The following CHST11 variants were observed in gnomAD, a reference collection of about 807,000 sequenced individuals.
CHST11 encodes carbohydrate sulfotransferase 11, also known as C4S-1.
A neutral mutation model predicts 30.4 loss-of-function variants in CHST11; 9 were observed. The observed-to-expected ratio is 0.30, with a 90% CI of 0.18 to 0.52. The LOEUF (loss-of-function observed/expected upper bound fraction) is 0.52. Ranked by LOEUF, CHST11 falls within the 20% of genes least tolerant of loss-of-function variation. CHST11 has a pLI of 0.97. For missense variants in CHST11, 348 were observed against 460.6 expected, an observed-to-expected ratio of 0.76 and a Z score of 2.24; for synonymous variants, 152 against 187.8, an observed-to-expected ratio of 0.81 and a Z score of 1.56.
At chr12:104,708,517 G>T (rs1244111992) in intron 2 of CHST11, among the ~76,000 whole-genome samples, 3 of 152,154 alleles carry the variant, frequency 2.0e-5, no homozygotes, top group Non-Finnish European at 2.9e-5. Flanking sequence ...AGGAAACAAG[G>T]CTCTGTATGA....
At chr12:104,563,027 T>TTTG (rs916858721) in intron 1 of CHST11, among the ~76,000 whole-genome samples, 2 of 152,036 alleles carry the variant, frequency 1.3e-5, no homozygotes, top group Non-Finnish European at 2.9e-5. Flanking sequence ...AGTGGTTTTT[T>TTTG]TTGTTGTTGT....
intron 2 of CHST11, among the ~76,000 whole-genome samples, chr12:104,646,615 C>G (rs1344885119): frequency 6.8e-6 from 1 of 146,976 alleles, no homozygotes; most frequent in Non-Finnish European, 1.5e-5. Context: ...GCCTGTAGTC[C>G]CAGCTAGTTG....
At chr12:104,709,903 T>C (rs312147) in intron 2 of CHST11, among the ~76,000 whole-genome samples, 55,273 of 152,144 alleles carry the variant, frequency 0.36, 11,753 homozygotes, top group Non-Finnish European at 0.5. Flanking sequence ...AAAGCTGTTA[T>C]TCAAAACTTT....
chr12:104,542,727 G>C (rs1243275204), intron 1 of CHST11, among the ~76,000 whole-genome samples: 1 of 152,174 alleles, frequency 6.6e-6, no homozygotes, highest in East Asian at 1.9e-4. Context: ...ATTTTTCACT[G>C]TATAAACCTT....
chr12:104,590,685 A>G (rs971313637), intron 1 of CHST11, among the ~76,000 whole-genome samples: 3 of 151,536 alleles, frequency 2.0e-5, no homozygotes, highest in African/African-American at 7.3e-5. Flanking sequence ...ACTTTGGGAG[A>G]CTGAGGCGGG....
rs147108687 is a variant in CHST11, at chr12:104,663,232, G to A, written c.204+61241G>A. Among the ~76,000 whole-genome samples, 20 of 152,316 alleles carry A rather than the reference G, an allele frequency of 1.3e-4. No individual in the cohort carries two copies. The South Asian group carries it at 1.5e-3, about 11-fold the overall frequency. ...CTCCGTGCGACTTCCATCTCGTGACGTTCTACTGAATCTGTGATTTCGCTA... is the reference window on the plus strand; with the variant it reads ...CTCCGTGCGACTTCCATCTCGTGACATTCTACTGAATCTGTGATTTCGCTA... On this transcript the variant is annotated intron_variant, in intron 2 of 2. Transcript: ENST00000303694.
intron 1 of CHST11, among the ~76,000 whole-genome samples, chr12:104,527,066 G>T (rs114166393): frequency 0.04 from 6,035 of 152,260 alleles, 423 homozygotes; most frequent in African/African-American, 0.14. Flanking sequence ...GTAACGGGTT[G>T]AATTGTGTCT....
chr12:104,757,798 G>T lies in CHST11; in HGVS notation c.1054G>T (p.Glu352Ter). 3 of 1,609,140 alleles carry T rather than the reference G, an allele frequency of 1.9e-6. No individual in the cohort carries two copies. Among genetic ancestry groups the T allele is most frequent in the South Asian group, 1.1e-5 (1 of 90,908 alleles). The change falls in exon 3 of 3, where the codon GAA becomes TAA. Residue 352 changes from glutamate (E) to a stop codon, truncating the protein, a stop_gained. Transcript: ENST00000303694. LOFTEE classifies it high-confidence loss of function. The surrounding 1 kb of genome is among the most constrained non-coding windows in gnomAD (Gnocchi z 6.5). ...NYSVPSYLKL[E>*] ...CTCAGTGCCAAGCTACCTGAAATTG[G>T]AATAAAGGGGGTGGGGAGAGGGAGA...
intron 2 of CHST11, among the ~76,000 whole-genome samples, chr12:104,697,383 A>C (rs1261260196): frequency 6.6e-6 from 1 of 152,178 alleles, no homozygotes; most frequent in Non-Finnish European, 1.5e-5. Context: ...GCATCCTTCC[A>C]ATCACTTGAG....
intron 1 of CHST11, among the ~76,000 whole-genome samples, chr12:104,522,254 TAA>T (rs1399636701): frequency 1.3e-5 from 2 of 152,198 alleles, no homozygotes; most frequent in African/African-American, 4.8e-5. Flanking sequence ...CTTAGCTGCA[TAA>T]ACTTGGGAGT....
chr12:104,510,490 C>T (rs1422299708), intron 1 of CHST11, among the ~76,000 whole-genome samples: 1 of 152,218 alleles, frequency 6.6e-6, no homozygotes, highest in Non-Finnish European at 1.5e-5. Context: ...CAGGAAACAC[C>T]ATGCCCACCT....
chr12:104,624,346 A>G (rs954252728), intron 2 of CHST11, among the ~76,000 whole-genome samples: 1 of 152,220 alleles, frequency 6.6e-6, no homozygotes, highest in Admixed American at 6.5e-5. Context: ...CACCCTGGGT[A>G]CTTAAGACTG....
intron 2 of CHST11, among the ~76,000 whole-genome samples, chr12:104,744,476 G>A (rs2040373051): frequency 1.3e-5 from 2 of 152,098 alleles, no homozygotes. Flanking sequence ...ATTTGTTTAA[G>A]TTCCTTATAG....
intron 2 of CHST11, among the ~76,000 whole-genome samples, chr12:104,626,753 A>T (rs7133111): frequency 1.3e-5 from 2 of 150,890 alleles, no homozygotes; most frequent in African/African-American, 4.9e-5. Flanking sequence ...AAGGCACAGA[A>T]AATTCCCAGA....
intron 2 of CHST11, among the ~76,000 whole-genome samples, chr12:104,616,505 G>A (rs11612553): frequency 0.31 from 45,988 of 149,674 alleles, 7,320 homozygotes; most frequent in East Asian, 0.49. Context: ...TCACTCTGTC[G>A]CCTAGTCTGG....
At chr12:104,711,519 G>A (rs1002946265) in intron 2 of CHST11, among the ~76,000 whole-genome samples, 3 of 151,846 alleles carry the variant, frequency 2.0e-5, no homozygotes, top group Admixed American at 2.0e-4. Flanking sequence ...TCTTGGGAAC[G>A]ACCCAAGGAC....
chr12:104,692,722 C>T (rs535374485), intron 2 of CHST11, among the ~76,000 whole-genome samples: 14 of 152,212 alleles, frequency 9.2e-5, no homozygotes, highest in African/African-American at 3.1e-4. Flanking sequence ...TATCAGTGGC[C>T]TCATAAGATT....
In CHST11 at chr12:104,695,608, C is replaced by T. The variant is rs542248793; in HGVS notation, c.205-61341C>T. ...GGAGCTTCCAGACATTTCTATCTTACCTCAGAGCTAGTGATAAGAATAGGT... is the reference window on the plus strand; with the variant it reads ...GGAGCTTCCAGACATTTCTATCTTATCTCAGAGCTAGTGATAAGAATAGGT... On this transcript the variant is annotated intron_variant, in intron 2 of 2. Coordinates refer to ENST00000303694, the MANE Select transcript of CHST11 (RefSeq NM_018413.6). 3.3e-5 allele frequency among the ~76,000 whole-genome samples: 5 copies of T among 152,308 alleles called. No homozygotes were observed. In the East Asian group the frequency reaches 9.6e-4, roughly 29 times the overall value.
chr12:104,480,875 C>T (rs2037615200), intron 1 of CHST11, among the ~76,000 whole-genome samples: 1 of 152,178 alleles, frequency 6.6e-6, no homozygotes, highest in Non-Finnish European at 1.5e-5. Flanking sequence ...GAATACATTT[C>T]TATTGTATTA....
Sources: allele counts gnomAD v4.1 joint callset (sites outside exome capture counted in the v4.1 genomes callset), GRCh38; gene constraint gnomAD v4.1.1; non-coding constraint Gnocchi (gnomAD v3.1); transcripts MANE v1.5; gene names NCBI Gene and HGNC (gene_info 2026-07-23, HGNC 2026-07-21).